The following GRAMD2B variants were observed in gnomAD, a reference collection of about 807,000 sequenced individuals.
GRAMD2B encodes GRAM domain-containing protein 2B.
Under a neutral mutation model 59.2 loss-of-function variants are expected in GRAMD2B, and 41 were observed. The observed-to-expected ratio is 0.69, with a 90% CI of 0.54 to 0.90. GRAMD2B has a LOEUF of 0.90. Among genes scored for constraint, GRAMD2B ranks in the 40% least tolerant of loss-of-function variants. GRAMD2B has a pLI of 0.00. For missense variants in GRAMD2B, 424 were observed against 500.5 expected (o/e 0.85, Z 1.46); for synonymous variants, 161 against 182.7 (o/e 0.88, Z 0.96).
chr5:126,387,519 C>T (rs115722614), intron 1 of GRAMD2B, among the ~76,000 whole-genome samples: 1,816 of 151,122 alleles, frequency 0.012, 41 homozygotes, highest in African/African-American at 0.042. Flanking sequence ...TATTATTTCT[C>T]TCTTATTGCT....
chr5:126,474,429 T>G (rs1267882253), intron 5 of GRAMD2B, among the ~76,000 whole-genome samples: 4 of 152,238 alleles, frequency 2.6e-5, no homozygotes, highest in African/African-American at 4.8e-5. Context: ...TTATTGATTT[T>G]TTATCATATA....
At chr5:126,387,761 A>C (rs925592311) in intron 1 of GRAMD2B, among the ~76,000 whole-genome samples, 1 of 152,128 alleles carries the variant, frequency 6.6e-6, no homozygotes, top group African/African-American at 2.4e-5. Flanking sequence ...AGAGAGAAAA[A>C]ATCAACAGAG....
At chr5:126,444,588 T>C (rs1179481788) in intron 1 of GRAMD2B, among the ~76,000 whole-genome samples, 1 of 152,238 alleles carries the variant, frequency 6.6e-6, no homozygotes, top group Non-Finnish European at 1.5e-5. Flanking sequence ...TCAAACGTAC[T>C]GCTCATTTTT....
intron 1 of GRAMD2B, among the ~76,000 whole-genome samples, chr5:126,396,059 T>A (rs966476206): frequency 3.3e-5 from 5 of 152,210 alleles, no homozygotes; most frequent in Admixed American, 1.3e-4. Flanking sequence ...CACCAACACT[T>A]ATATTTTGTC....
chr5:126,481,200 AAAAAAAGAAAGAAAGAAAGAAAG>A (rs1771681517), intron 8 of GRAMD2B, among the ~76,000 whole-genome samples: 1 of 76,774 alleles, frequency 1.3e-5, no homozygotes, highest in Non-Finnish European at 2.6e-5. Flanking sequence ...GTAAAAAAAA[AAAAAAAGAAAGAAAGAAAGAAAG>A]AAAGAAAGAA....
At chr5:126,404,386 G>C (rs1444483752) in intron 1 of GRAMD2B, among the ~76,000 whole-genome samples, 1 of 151,808 alleles carries the variant, frequency 6.6e-6, no homozygotes, top group Non-Finnish European at 1.5e-5. Context: ...CCTTAGACCA[G>C]TTTGCATCAA....
intron 1 of GRAMD2B, among the ~76,000 whole-genome samples, chr5:126,397,656 G>A (rs1281184849): frequency 2.6e-5 from 4 of 151,946 alleles, no homozygotes; most frequent in African/African-American, 9.7e-5. Context: ...CTTTCATTTT[G>A]TTAATGTGTT....
intron 1 of GRAMD2B, among the ~76,000 whole-genome samples, chr5:126,403,698 C>G (rs1311936438): frequency 1.3e-5 from 2 of 151,884 alleles, no homozygotes; most frequent in Admixed American, 1.3e-4. Flanking sequence ...TTATTCAAAA[C>G]CTTCCTATAC....
intron 3 of GRAMD2B, 49 bp downstream of exon 3, chr5:126,469,837 T>G (rs776206260): frequency 1.5e-6 from 2 of 1,356,742 alleles, no homozygotes; most frequent in Admixed American, 3.6e-5. Flanking sequence ...ACAGGGCTAC[T>G]GAAGCCAGTG....
chr5:126,477,094 C>T (rs768550142), intron 5 of GRAMD2B, among the ~76,000 whole-genome samples: 2 of 152,140 alleles, frequency 1.3e-5, no homozygotes, highest in Non-Finnish European at 2.9e-5. Context: ...ATTCCTAATC[C>T]AAAAATCCAA....
chr5:126,373,713 T>C (rs923059996), intron 1 of GRAMD2B, among the ~76,000 whole-genome samples: 8 of 152,206 alleles, frequency 5.3e-5, no homozygotes, highest in African/African-American at 9.7e-5. Flanking sequence ...GACAGTAAGA[T>C]AGAGAAAACT....
chr5:126,387,009 G>A (rs1160422546), intron 1 of GRAMD2B, among the ~76,000 whole-genome samples: 1 of 152,002 alleles, frequency 6.6e-6, no homozygotes, highest in Non-Finnish European at 1.5e-5. Flanking sequence ...CCAAACAAAG[G>A]GAAAACGAAA....
chr5:126,371,437 C>T (rs1156956722), exon 1 of GRAMD2B: 5 of 1,285,194 alleles, frequency 3.9e-6, no homozygotes, highest in Non-Finnish European at 4.1e-6. Context: ...GGTCAATAAG[C>T]GCACAATGGT....
At chr5:126,486,662 G>A (rs1561612571) in intron 11 of GRAMD2B, among the ~76,000 whole-genome samples, 1 of 152,202 alleles carries the variant, frequency 6.6e-6, no homozygotes, top group Non-Finnish European at 1.5e-5. Context: ...TGCAAATTAA[G>A]GGACTTGGGC....
intron 1 of GRAMD2B, among the ~76,000 whole-genome samples, chr5:126,402,321 G>A (rs1392230950): frequency 1.3e-5 from 2 of 152,028 alleles, no homozygotes; most frequent in East Asian, 3.9e-4. Flanking sequence ...CAGAAAGCCT[G>A]GCTTACTAAG....
chr5:126,477,349 G>A (rs1770819324), intron 5 of GRAMD2B, among the ~76,000 whole-genome samples: 1 of 152,198 alleles, frequency 6.6e-6, no homozygotes, highest in South Asian at 2.1e-4. Context: ...GCCCAAAGTG[G>A]ATGACCACAA....
intron 1 of GRAMD2B, among the ~76,000 whole-genome samples, chr5:126,409,053 T>C (rs910518609): frequency 6.6e-6 from 1 of 151,686 alleles, no homozygotes; most frequent in African/African-American, 2.4e-5. Flanking sequence ...TATTCCATGG[T>C]GTATATGTGC....
rs1369602323 is a variant in GRAMD2B, at chr5:126,483,591, T to C, written c.847+17T>C. 7.8e-6 allele frequency: 11 copies of C among 1,413,948 alleles called. No homozygotes were observed. The highest frequency in any genetic ancestry group is 1.0e-5 in the Non-Finnish European group (10 of 1,003,478). The allele number at this position is 1,413,948 out of a possible 1,614,324, so 87.6% of individuals were successfully genotyped here. A position where few individuals can be genotyped will look rare whatever the true frequency, so the allele number is the denominator to read the frequency against. ...ACTCTCGAGGTTTGGGAAATTGTTG[T>C]ATTTTGACTAAAATTTAATTCCCCT... On this transcript the variant is annotated intron_variant, in intron 9 of 13. Transcript: ENST00000285689.
intron 1 of GRAMD2B, among the ~76,000 whole-genome samples, chr5:126,394,554 A>T (rs1312851517): frequency 6.6e-6 from 1 of 152,122 alleles, no homozygotes; most frequent in Non-Finnish European, 1.5e-5. Flanking sequence ...TGATTCATTC[A>T]ATATTCTACA....
Sources: allele counts gnomAD v4.1 joint callset (sites outside exome capture counted in the v4.1 genomes callset), GRCh38; gene constraint gnomAD v4.1.1; transcripts MANE v1.5; gene names NCBI Gene and HGNC (gene_info 2026-07-23, HGNC 2026-07-21).